HSD17B3: variants seen among roughly 807,000 people sequenced by gnomAD.
HSD17B3 encodes the protein hydroxysteroid 17-beta dehydrogenase 3.
In HSD17B3, 29 loss-of-function variants were observed where a neutral mutation model predicts 41.1. The observed-to-expected ratio is 0.71, with a 90% CI of 0.53 to 0.96. HSD17B3 has a LOEUF of 0.96. Ranked by LOEUF, HSD17B3 falls within the 40% of genes least tolerant of loss-of-function variation. The pLI is 0.00. For synonymous variants in HSD17B3, 126 were observed against 145.6 expected (o/e 0.87, Z 0.97); for missense variants, 323 against 374.6 (o/e 0.86, Z 1.14).
At chr9:96,252,516 C>G (rs1825461212) in intron 4 of HSD17B3, among the ~76,000 whole-genome samples, 1 of 147,570 alleles carries the variant, frequency 6.8e-6, no homozygotes, top group Admixed American at 6.8e-5. Flanking sequence ...GCACTCCAGC[C>G]TGGGTGACAG....
At chr9:96,256,036 T>A (rs1240943677) in intron 2 of HSD17B3, among the ~76,000 whole-genome samples, 1 of 151,972 alleles carries the variant, frequency 6.6e-6, no homozygotes, top group African/African-American at 2.4e-5. Context: ...AAAGTTAGAG[T>A]TTTTCCTGAA....
Position 96,254,938 on chromosome 9 carries a change from T to TA in HSD17B3, c.206_207insT (p.Arg71ThrfsTer9). ...TAAGGACAACATTGAGTCCACGTTT[T>TA]GCTAGCTGAGAGTGGGAGTGAAAAA... On this transcript the variant is annotated frameshift_variant, in exon 3 of 11. Coordinates refer to ENST00000375263, the MANE Select transcript of HSD17B3 (RefSeq NM_000197.2). LOFTEE classifies it high-confidence loss of function. 1 of 1,613,708 alleles carries TA rather than the reference T, an allele frequency of 6.2e-7. No homozygotes were observed. The highest frequency in any genetic ancestry group is 1.1e-5 in the South Asian group (1 of 90,974).
rs1799722669 is a variant in HSD17B3 at position 96,250,760 on chromosome 9, C to T, written c.453+658G>A. On this transcript the variant is annotated intron_variant, in intron 5 of 10. Transcript: ENST00000375263. ...AAAATTAGCTGGGCGTGGTGGCAGGCGCCTGCAGTCCCAGCTACTCAGGAG... is the reference window on the plus strand; with the variant it reads ...AAAATTAGCTGGGCGTGGTGGCAGGTGCCTGCAGTCCCAGCTACTCAGGAG... Among the ~76,000 whole-genome samples the T allele has an allele frequency of 2.6e-5, 4 of 151,942 alleles. No homozygotes were observed. In the South Asian group the frequency reaches 6.2e-4, roughly 24 times the overall value.
intron 10 of HSD17B3, among the ~76,000 whole-genome samples, chr9:96,237,428 A>G (rs1430648009): frequency 6.6e-6 from 1 of 152,176 alleles, no homozygotes; most frequent in African/African-American, 2.4e-5. Context: ...CCATTGTAAA[A>G]GGGTGACTCT....
At chr9:96,250,370 A>G in intron 5 of HSD17B3, 1 of 1,072,390 alleles carries the variant, frequency 9.3e-7, no homozygotes, top group Non-Finnish European at 1.1e-6. Context: ...CACACAGGAG[A>G]TGTGTGGTCC....
At chr9:96,289,985 T>G (rs796528756) in intron 2 of HSD17B3, among the ~76,000 whole-genome samples, 23 of 152,264 alleles carry the variant, frequency 1.5e-4, no homozygotes, top group African/African-American at 5.3e-4. Context: ...TAGCTGCTAA[T>G]CTACAGCGGG....
chr9:96,249,949 T>C (rs1836828575), intron 5 of HSD17B3, 163 bp from the exon 6 acceptor site: 2 of 1,520,790 alleles, frequency 1.3e-6, no homozygotes, highest in Admixed American at 4.0e-5. Flanking sequence ...AGCAAGCATG[T>C]ACTAGCATCA....
intron 2 of HSD17B3, among the ~76,000 whole-genome samples, chr9:96,269,088 G>A (rs1211402870): frequency 6.6e-6 from 1 of 152,218 alleles, no homozygotes; most frequent in Non-Finnish European, 1.5e-5. Context: ...CACCTAGAGG[G>A]TGTAGCCTGC....
intron 2 of HSD17B3, among the ~76,000 whole-genome samples, chr9:96,284,177 C>G (rs1376508125): frequency 7.1e-6 from 1 of 140,046 alleles, no homozygotes; most frequent in Non-Finnish European, 1.5e-5. Context: ...GATCATGCCA[C>G]TGCACTCCAG....
Position 96,244,607 on chromosome 9 carries a change from T to C in HSD17B3, c.607-213A>G, listed in dbSNP as rs913580. Among the ~76,000 whole-genome samples the C allele has an allele frequency of 0.48, 72,995 of 151,544 alleles. 18,106 individuals carry two copies. The highest frequency in any genetic ancestry group is 0.58 in the East Asian group (3,003 of 5,158). On this transcript the variant is annotated intron_variant, in intron 8 of 10. Transcript: ENST00000375263. ...ACAGCATGGTGACAAAAGCTAACAATCATAGACAACATACCTGAAAATTAC... is the reference window on the plus strand; with the variant it reads ...ACAGCATGGTGACAAAAGCTAACAACCATAGACAACATACCTGAAAATTAC...
chr9:96,247,926 T>C (rs1265356018), intron 6 of HSD17B3, among the ~76,000 whole-genome samples: 2 of 152,252 alleles, frequency 1.3e-5, no homozygotes, highest in African/African-American at 4.8e-5. Context: ...CTAGTCATGC[T>C]TCTAACCAGC....
intron 2 of HSD17B3, among the ~76,000 whole-genome samples, chr9:96,265,531 C>T (rs947602302): frequency 2.6e-5 from 4 of 152,118 alleles, no homozygotes; most frequent in Non-Finnish European, 5.9e-5. Flanking sequence ...ATGTAATAAA[C>T]ATACTACCGT....
chr9:96,284,086 G>A (rs1398605619), intron 2 of HSD17B3, among the ~76,000 whole-genome samples: 2 of 151,888 alleles, frequency 1.3e-5, no homozygotes, highest in African/African-American at 4.8e-5. Flanking sequence ...GCTGAGCATG[G>A]TGGCAGGTGC....
chr9:96,281,930 C>T (rs568632767), intron 2 of HSD17B3, among the ~76,000 whole-genome samples: 2 of 152,192 alleles, frequency 1.3e-5, no homozygotes, highest in Non-Finnish European at 2.9e-5. Context: ...AAAATCACTG[C>T]TTGTCTCCTC....
At chr9:96,281,646 C>T (rs940311950) in intron 2 of HSD17B3, among the ~76,000 whole-genome samples, 1 of 152,186 alleles carries the variant, frequency 6.6e-6, no homozygotes, top group African/African-American at 2.4e-5. Context: ...GCCTTTCGCT[C>T]TTTGCTAATG....
chr9:96,246,813 G>A (rs1172262004), intron 6 of HSD17B3, among the ~76,000 whole-genome samples: 1 of 152,176 alleles, frequency 6.6e-6, no homozygotes, highest in Non-Finnish European at 1.5e-5. Context: ...CTGCTCTGGG[G>A]CCTCTGATTT....
intron 8 of HSD17B3, 42 bp from the exon 9 acceptor site, chr9:96,244,436 T>C: frequency 6.2e-7 from 1 of 1,603,878 alleles, no homozygotes; most frequent in Non-Finnish European, 8.5e-7. Context: ...CAGAGTGAGC[T>C]CCCTCGTCAG....
chr9:96,281,169 G>A (rs905952337), intron 2 of HSD17B3, among the ~76,000 whole-genome samples: 1 of 152,020 alleles, frequency 6.6e-6, no homozygotes, highest in South Asian at 2.1e-4. Context: ...TCTTTCTGGT[G>A]ACCACAAAGG....
intron 2 of HSD17B3, among the ~76,000 whole-genome samples, chr9:96,280,882 G>A (rs917408972): frequency 2.0e-5 from 3 of 152,148 alleles, no homozygotes; most frequent in African/African-American, 7.2e-5. Context: ...CACCAGCGCC[G>A]TGACAGTTTA....
Sources: gnomAD v4.1 joint callset for allele counts (sites outside exome capture counted in the v4.1 genomes callset) on GRCh38, gnomAD v4.1.1 for gene constraint, MANE v1.5 for transcripts, NCBI Gene and HGNC (gene_info 2026-07-23, HGNC 2026-07-21) for gene names.